The following MAD1L1 variants were observed in gnomAD, a reference collection of about 807,000 sequenced individuals.
The protein encoded by MAD1L1 is mitotic spindle assembly checkpoint protein MAD1.
MAD1L1 carries 95 observed loss-of-function variants against 96.9 expected under a neutral mutation model. The observed-to-expected ratio is 0.98, with a 90% CI of 0.83 to 1.16. The LOEUF is 1.16. Ranked by LOEUF, MAD1L1 falls within the 50% of genes most tolerant of loss-of-function variation. The pLI, the probability that MAD1L1 is intolerant of heterozygous loss-of-function variation, is 0.00. For missense variants in MAD1L1, 1,007 were observed against 954.4 expected (o/e 1.06, Z -0.73); for synonymous variants, 473 against 396.6 (o/e 1.19, Z -2.29).
intron 18 of MAD1L1, among the ~76,000 whole-genome samples, chr7:1,854,067 C>T (rs970312344): frequency 1.3e-4 from 20 of 152,198 alleles, no homozygotes; most frequent in African/African-American, 4.3e-4. Flanking sequence ...AGCTCGATCA[C>T]GGGCGTCGGG....
At chr7:2,028,358 G>C (rs1783073502) in intron 12 of MAD1L1, among the ~76,000 whole-genome samples, 2 of 148,674 alleles carry the variant, frequency 1.3e-5, no homozygotes, top group Admixed American at 1.4e-4. Context: ...CCAGGAGGCA[G>C]AGCTTGCAGT....
At chr7:1,976,364 G>C (rs1780638261) in intron 15 of MAD1L1, among the ~76,000 whole-genome samples, 2 of 152,214 alleles carry the variant, frequency 1.3e-5, no homozygotes, top group Admixed American at 1.3e-4. Flanking sequence ...TGGGTTCGTG[G>C]TCTTGCTGGC....
intron 17 of MAD1L1, among the ~76,000 whole-genome samples, chr7:1,916,512 G>A (rs1054752094): frequency 6.6e-6 from 1 of 152,228 alleles, no homozygotes; most frequent in Non-Finnish European, 1.5e-5. Flanking sequence ...CAAGTCACAC[G>A]CCAGAGCATG....
chr7:2,192,154 G>C (rs1198858300), intron 10 of MAD1L1, among the ~76,000 whole-genome samples: 1 of 151,358 alleles, frequency 6.6e-6, no homozygotes, highest in South Asian at 2.1e-4. Flanking sequence ...TTTTGAGATG[G>C]AGTTTTGTCC....
At position 1,832,630 on chromosome 7, in the gene MAD1L1, T is replaced by TTTTTGCGGG. The variant is rs56664541; in HGVS notation, c.1999-16403_1999-16402insCCCGCAAAA. On this transcript the variant is annotated intron_variant, in intron 18 of 18. Coordinates refer to ENST00000265854, the MANE Select transcript of MAD1L1 (RefSeq NM_001013836.2). Reference sequence around the variant, plus strand: ...CTTCATTGCTGTGTTTTTTTTTTTTTGGCGGGGGGGGGGGGGGTGGGGATG... The same window carrying TTTTTGCGGG: ...CTTCATTGCTGTGTTTTTTTTTTTTTTTTTGCGGGGGCGGGGGGGGGGGGGGTGGGGATG... Among the ~76,000 whole-genome samples the TTTTTGCGGG allele has an allele frequency of 5.1e-3, 12 of 2,350 alleles. 1 individual carries two copies. The highest frequency in any genetic ancestry group is 0.021 in the African/African-American group (12 of 570). 1.5% of individuals were successfully genotyped at this position (2,350 alleles called of 152,430 possible).
chr7:1,879,307 T>C (rs1027240153), intron 18 of MAD1L1, among the ~76,000 whole-genome samples: 2 of 151,944 alleles, frequency 1.3e-5, no homozygotes, highest in Non-Finnish European at 2.9e-5. Context: ...AATAAAAACT[T>C]AGCCGGGTGT....
chr7:2,092,471 C>G (rs1410381657), intron 11 of MAD1L1, among the ~76,000 whole-genome samples: 1 of 151,722 alleles, frequency 6.6e-6, no homozygotes, highest in East Asian at 1.9e-4. Flanking sequence ...GGTTGACTGT[C>G]TTTTCAACCA....
chr7:1,837,089 G>A (rs573022079), intron 18 of MAD1L1, among the ~76,000 whole-genome samples: 1 of 152,294 alleles, frequency 6.6e-6, no homozygotes, highest in Admixed American at 6.5e-5. Context: ...ATTTGCATCT[G>A]GAGTATACAA....
At chr7:1,988,748 C>A (rs1008921181) in intron 14 of MAD1L1, among the ~76,000 whole-genome samples, 2 of 152,218 alleles carry the variant, frequency 1.3e-5, no homozygotes, top group African/African-American at 4.8e-5. Flanking sequence ...GGATTCCCGG[C>A]GGCCAGGGCT....
At chr7:2,220,196 C>T (rs1028945369) in intron 5 of MAD1L1, among the ~76,000 whole-genome samples, 3 of 152,324 alleles carry the variant, frequency 2.0e-5, no homozygotes, top group Non-Finnish European at 2.9e-5. Context: ...CTGGGGAGGC[C>T]GTGCGCTTGG....
chr7:1,820,327 G>A (rs1170091395), intron 18 of MAD1L1, among the ~76,000 whole-genome samples: 1 of 152,124 alleles, frequency 6.6e-6, no homozygotes, highest in Non-Finnish European at 1.5e-5. Context: ...TATCAGGAAA[G>A]GAGAAAGATC....
intron 14 of MAD1L1, among the ~76,000 whole-genome samples, chr7:1,995,044 G>A (rs889751543): frequency 1.3e-5 from 2 of 152,214 alleles, no homozygotes; most frequent in Admixed American, 6.5e-5. Flanking sequence ...ATAGACAGAT[G>A]CGCAGCCACA....
At chr7:1,849,165 C>T (rs530737020) in intron 18 of MAD1L1, 65 of 153,008 alleles carry the variant, frequency 4.2e-4, no homozygotes, top group Non-Finnish European at 8.0e-4. Flanking sequence ...CACACACGTA[C>T]GCACATGCGG....
intron 17 of MAD1L1, among the ~76,000 whole-genome samples, chr7:1,918,867 C>T (rs1029088571): frequency 6.6e-6 from 1 of 151,918 alleles, no homozygotes; most frequent in South Asian, 2.1e-4. Context: ...CTGGCCCCAG[C>T]CCCCCTCCCC....
In MAD1L1 at chr7:2,087,041, G is replaced by T. The variant is rs570357415; in HGVS notation, c.1074-17703C>A. Among the ~76,000 whole-genome samples the T allele has an allele frequency of 7.2e-5, 11 of 152,260 alleles. No individual in the cohort carries two copies. In the East Asian group the frequency reaches 2.1e-3, roughly 29 times the overall value. ...GTGGTGGTCATGCATGGAGAAACTGGGCTTCAAACCTCATGGAAGCTCTTC... is the reference window on the plus strand; with the variant it reads ...GTGGTGGTCATGCATGGAGAAACTGTGCTTCAAACCTCATGGAAGCTCTTC... On this transcript the variant is annotated intron_variant, in intron 11 of 18. Transcript: ENST00000265854.
At chr7:2,034,987 C>T (rs1783401432) in intron 12 of MAD1L1, among the ~76,000 whole-genome samples, 1 of 152,204 alleles carries the variant, frequency 6.6e-6, no homozygotes, top group African/African-American at 2.4e-5. Context: ...AACCTGAGGC[C>T]CAGCAGCACA....
At chr7:2,015,121 G>A (rs1412312014) in intron 12 of MAD1L1, among the ~76,000 whole-genome samples, 2 of 152,216 alleles carry the variant, frequency 1.3e-5, no homozygotes, top group African/African-American at 4.8e-5. Context: ...AGAGCTGGGT[G>A]AGTCCCCCTC....
intron 15 of MAD1L1, 67 bp from the exon 16 acceptor site, chr7:1,957,786 G>T: frequency 6.9e-7 from 1 of 1,451,098 alleles, no homozygotes; most frequent in Non-Finnish European, 9.7e-7. Flanking sequence ...CCCACCCTCT[G>T]GGTGATAAGG....
intron 18 of MAD1L1, among the ~76,000 whole-genome samples, chr7:1,897,461 C>A (rs1405895026): frequency 6.6e-6 from 1 of 152,214 alleles, no homozygotes; most frequent in African/African-American, 2.4e-5. Flanking sequence ...CCACACCAGG[C>A]CGACGGCACC....
Sources: gnomAD v4.1 joint callset for allele counts (sites outside exome capture counted in the v4.1 genomes callset) on GRCh38, gnomAD v4.1.1 for gene constraint, MANE v1.5 for transcripts, NCBI Gene and HGNC (gene_info 2026-07-23, HGNC 2026-07-21) for gene names.